ATRNL1: variants seen among roughly 807,000 people sequenced by gnomAD.
The protein encoded by ATRNL1 is attractin-like protein 1.
ATRNL1 carries 95 observed loss-of-function variants against 182.7 expected under a neutral mutation model. The observed-to-expected ratio is 0.52, with a 90% CI of 0.44 to 0.62. ATRNL1 has a LOEUF of 0.62. Ranked by LOEUF, ATRNL1 falls within the 20% of genes least tolerant of loss-of-function variation. The pLI is 0.00. For synonymous variants in ATRNL1, 576 were observed against 568.3 expected, an observed-to-expected ratio of 1.01 and a Z score of -0.19; for missense variants, 1,471 against 1,679.5, an observed-to-expected ratio of 0.88 and a Z score of 2.17.
intron 20 of ATRNL1, among the ~76,000 whole-genome samples, chr10:115,397,698 A>G (rs1554955971): frequency 6.6e-6 from 1 of 151,974 alleles, no homozygotes; most frequent in Non-Finnish European, 1.5e-5. Flanking sequence ...AAAATAGGAA[A>G]CAAGGGGAAA....
intron 19 of ATRNL1, among the ~76,000 whole-genome samples, chr10:115,339,245 G>T (rs1855628337): frequency 6.6e-6 from 1 of 151,870 alleles, no homozygotes. Flanking sequence ...TTCTGTTTCT[G>T]TGACAAATGT....
At chr10:115,154,531 TA>T (rs1477570147) in intron 5 of ATRNL1, among the ~76,000 whole-genome samples, 4 of 152,140 alleles carry the variant, frequency 2.6e-5, no homozygotes, top group African/African-American at 9.7e-5. Context: ...TTTGTTGGTT[TA>T]AAGTCTGTTT....
chr10:115,144,212 A>T (rs1227163456), intron 5 of ATRNL1, among the ~76,000 whole-genome samples: 1 of 151,608 alleles, frequency 6.6e-6, no homozygotes, highest in Non-Finnish European at 1.5e-5. Flanking sequence ...CAGTGGCGCG[A>T]TCTCGGCTCA....
intron 13 of ATRNL1, among the ~76,000 whole-genome samples, chr10:115,269,376 C>T (rs1375477053): frequency 1.3e-5 from 2 of 152,028 alleles, no homozygotes; most frequent in Admixed American, 1.3e-4. Flanking sequence ...ACTCCATCAC[C>T]CAGGCTGGAA....
chr10:115,128,480 G>T (rs1554874156), intron 4 of ATRNL1: 1 of 751,464 alleles, frequency 1.3e-6, no homozygotes, highest in Non-Finnish European at 1.6e-6. Flanking sequence ...AATTTATTAT[G>T]GAATTTATTT....
At chr10:115,672,560 G>A (rs74158235) in intron 26 of ATRNL1, among the ~76,000 whole-genome samples, 1,757 of 152,206 alleles carry the variant, frequency 0.012, 35 homozygotes, top group African/African-American at 0.04. Context: ...CAAGGCAATA[G>A]TATTAAGTTA....
At chr10:115,424,473 T>C (rs1379562291) in intron 20 of ATRNL1, among the ~76,000 whole-genome samples, 1 of 152,192 alleles carries the variant, frequency 6.6e-6, no homozygotes, top group African/African-American at 2.4e-5. Context: ...TGAAGATACA[T>C]CTGTACTCTT....
intron 13 of ATRNL1, among the ~76,000 whole-genome samples, chr10:115,272,709 CT>C (rs1245909703): frequency 1.3e-5 from 2 of 152,122 alleles, no homozygotes; most frequent in Non-Finnish European, 2.9e-5. Flanking sequence ...CTGGAGAACC[CT>C]TCTGTCAGCC....
intron 5 of ATRNL1, among the ~76,000 whole-genome samples, chr10:115,159,054 A>C (rs1386665191): frequency 6.6e-6 from 1 of 151,774 alleles, no homozygotes; most frequent in Non-Finnish European, 1.5e-5. Flanking sequence ...AAATTATGTA[A>C]AAAAGGCATT....
At chr10:115,463,214 T>G (rs1380861474) in intron 22 of ATRNL1, among the ~76,000 whole-genome samples, 1 of 151,712 alleles carries the variant, frequency 6.6e-6, no homozygotes, top group African/African-American at 2.4e-5. Flanking sequence ...TAAATTTTTC[T>G]TTTCCAGTAA....
At chr10:115,380,466 G>A (rs1291563627) in intron 19 of ATRNL1, among the ~76,000 whole-genome samples, 2 of 151,998 alleles carry the variant, frequency 1.3e-5, no homozygotes, top group African/African-American at 4.8e-5. Context: ...CCTTTAAAAT[G>A]TTTTCATCAC....
chr10:115,735,273 T>C (rs1319226825), intron 27 of ATRNL1, among the ~76,000 whole-genome samples: 2 of 152,202 alleles, frequency 1.3e-5, no homozygotes, highest in Admixed American at 1.3e-4. Context: ...ATCCTCTTAT[T>C]GTTTACAATC....
In ATRNL1 at chr10:115,735,090, G is replaced by C. The variant is rs559689660; in HGVS notation, c.3903+7735G>C. Among the ~76,000 whole-genome samples, 420 of 152,224 alleles carry C rather than the reference G, an allele frequency of 2.8e-3. 6 individuals carry two copies. Among genetic ancestry groups the C allele is most frequent in the African/African-American group, 9.7e-3 (401 of 41,536 alleles). On this transcript the variant is annotated intron_variant, in intron 27 of 28. Transcript: ENST00000355044. ...TTGTTGTATTATATGATCAATATGT[G>C]TTTAAATTTACTTACATATTGTGTA...
chr10:115,667,547 A>G (rs781890327), intron 26 of ATRNL1, among the ~76,000 whole-genome samples: 1 of 151,922 alleles, frequency 6.6e-6, no homozygotes, highest in Non-Finnish European at 1.5e-5. Flanking sequence ...ACACTACATC[A>G]TTGCTCAGGG....
At chr10:115,730,649 G>T (rs1258530808) in intron 27 of ATRNL1, among the ~76,000 whole-genome samples, 1 of 150,148 alleles carries the variant, frequency 6.7e-6, no homozygotes, top group East Asian at 1.9e-4. Context: ...GAGGCGGGAA[G>T]AAGTGAATGT....
At chr10:115,856,444 A>AAAAAAAAAAAAAAAAAAAAAAAC (rs1269975986) in intron 28 of ATRNL1, among the ~76,000 whole-genome samples, 1 of 146,520 alleles carries the variant, frequency 6.8e-6, no homozygotes, top group African/African-American at 2.5e-5. Context: ...AAAAAAAAAA[A>AAAAAAAAAAAAAAAAAAAAAAAC]AAAAAAGCCA....
At chr10:115,686,613 A>T (rs924657277) in intron 26 of ATRNL1, among the ~76,000 whole-genome samples, 2 of 152,048 alleles carry the variant, frequency 1.3e-5, no homozygotes, top group Non-Finnish European at 2.9e-5. Flanking sequence ...ATAGGTGCTC[A>T]GTTAGCATTT....
intron 27 of ATRNL1, among the ~76,000 whole-genome samples, chr10:115,737,197 A>C (rs1405964855): frequency 2.6e-5 from 4 of 151,724 alleles, no homozygotes; most frequent in Admixed American, 2.6e-4. Flanking sequence ...AGGCCTAGGC[A>C]GGAGGATTCC....
At chr10:115,519,357 T>C (rs782174384) in intron 25 of ATRNL1, 33 bp downstream of exon 25, 1 of 1,561,148 alleles carries the variant, frequency 6.4e-7, no homozygotes, top group Middle Eastern at 1.7e-4. Context: ...TTTGAACTTT[T>C]CAAGCCTGTA....
Sources: allele counts gnomAD v4.1 joint callset (sites outside exome capture counted in the v4.1 genomes callset), GRCh38; gene constraint gnomAD v4.1.1; transcripts MANE v1.5; gene names NCBI Gene and HGNC (gene_info 2026-07-23, HGNC 2026-07-21).